Variants in DUOX1 observed in about 807,000 individuals in gnomAD.
DUOX1 encodes the protein dual oxidase 1.
A neutral mutation model predicts 181.8 loss-of-function variants in DUOX1; 134 were observed. That is an observed-to-expected ratio of 0.74 (90% CI 0.64 to 0.85). DUOX1 has a LOEUF of 0.85. Among genes scored for constraint, DUOX1 ranks in the 40% least tolerant of loss-of-function variants. DUOX1 has a pLI of 0.00. For synonymous variants in DUOX1, 798 were observed against 832.5 expected (o/e 0.96, Z 0.71); for missense variants, 1,814 against 2,064.4 (o/e 0.88, Z 2.35).
chr15:45,136,399 C>G lies in DUOX1; in HGVS notation c.914C>G (p.Pro305Arg). ...CCCAGCTTCCTGCAGAAAACACTCC[C>G]GGAGTATACAGGTGAGGGAGCGGGG... ...WLPSFLQKTL[P>R]EYTGYRPFLD... Residue 305 changes from proline to arginine, a missense_variant, in exon 8 of 34, where the codon CCG becomes CGG. Physicochemically the swap from Pro to Arg is moderately radical, Grantham distance 103. Around this residue, in one of 5 missense-constraint regions of DUOX1, gnomAD observed 1,064 missense variants for 1,152.9 expected, o/e 0.92. Transcript: ENST00000389037. The G allele has an allele frequency of 6.2e-7, 1 of 1,614,048 alleles. No individual in the cohort carries two copies. The highest frequency in any genetic ancestry group is 8.5e-7 in the Non-Finnish European group (1 of 1,180,020).
At chr15:45,148,134 T>C in intron 20 of DUOX1, 137 bp downstream of exon 20, 1 of 1,449,222 alleles carries the variant, frequency 6.9e-7, no homozygotes, top group South Asian at 1.2e-5. Context: ...CTGTTCAAAC[T>C]AGCAGGGGGC....
Position 45,150,638 on chromosome 15 carries a change from A to C in DUOX1, c.2825A>C (p.Glu942Ala), listed in dbSNP as rs1392914360. 1.2e-6 allele frequency: 2 copies of C among 1,613,910 alleles called. No individual in the cohort carries two copies. The change falls in exon 22 of 34, where the codon GAG (glutamate) becomes GCG (alanine). Residue 942 changes from glutamate (E) to alanine (A), a missense_variant. By Grantham distance (107) the Glu-to-Ala change is moderately radical. Transcript: ENST00000389037. ...RFTQLCVKGV[E>A]VPEVIKDLCR... ...GCCTGGCTCTGCTTTGCAGGGGTGG[A>C]GGTGCCTGAAGTCATCAAGGACCTC...
chr15:45,136,319 G>C (rs765702071), intron 7 of DUOX1, 31 bp from the exon 8 acceptor site: 1 of 1,612,288 alleles, frequency 6.2e-7, no homozygotes, highest in African/African-American at 1.3e-5. Context: ...CATCCAACTC[G>C]TGCCTCCCCT....
intron 4 of DUOX1, among the ~76,000 whole-genome samples, 167 bp downstream of exon 4, chr15:45,134,476 G>A (rs889181652): frequency 6.6e-6 from 1 of 152,126 alleles, no homozygotes; most frequent in Admixed American, 6.5e-5. Context: ...GGTGGAGAGA[G>A]GATCCATGCT....
intron 12 of DUOX1, 174 bp downstream of exon 12, chr15:45,139,773 C>G (rs972912774): frequency 3.3e-5 from 26 of 778,352 alleles, no homozygotes; most frequent in Non-Finnish European, 4.7e-5. Flanking sequence ...GATTACCAGA[C>G]CAGCAAGATT....
rs748910843 is a variant in DUOX1, at chr15:45,139,188, T to C, written c.1216+20T>C. The C allele has an allele frequency of 2.0e-5, 32 of 1,613,908 alleles. No homozygotes were observed. Among genetic ancestry groups the C allele is most frequent in the South Asian group, 4.4e-5 (4 of 91,054 alleles). ...TGCGGGGTGAGTCTGAGGCTGTCCC[T>C]GCAGGTTGTGAACTCCTGGCCTCTG... On this transcript the variant is annotated intron_variant, in intron 11 of 33. Transcript: ENST00000389037.
At chr15:45,131,143 C>T (rs1052920596) in intron 1 of DUOX1, among the ~76,000 whole-genome samples, 16 of 152,184 alleles carry the variant, frequency 1.1e-4, no homozygotes, top group Non-Finnish European at 2.1e-4. Flanking sequence ...TATCCTAACC[C>T]CAATCTCCAG....
chr15:45,140,024 T>C, intron 12 of DUOX1: 1 of 1,341,708 alleles, frequency 7.5e-7, no homozygotes, highest in Non-Finnish European at 1.0e-6. Context: ...AGGTAGAGCC[T>C]GAGGCGGAGG....
intron 4 of DUOX1, 24 bp downstream of exon 4, chr15:45,134,333 A>G (rs1453801901): frequency 3.8e-6 from 6 of 1,573,154 alleles, no homozygotes; most frequent in Non-Finnish European, 4.3e-6. Context: ...CCTCTGGGGA[A>G]GGAAGCCGGT....
Position 45,161,466 on chromosome 15 carries a change from A to G in DUOX1, c.3857-272A>G, listed in dbSNP as rs117140946. On this transcript the variant is annotated intron_variant, in intron 29 of 33. Transcript: ENST00000389037. ...GGAAGGAGGGAGGGAGGGAGGGAGG[A>G]AGGAAGGAAGGAAAGGAAAGGAGGG... Among the ~76,000 whole-genome samples, 658 of 113,552 alleles carry G rather than the reference A, an allele frequency of 5.8e-3. 4 individuals are homozygous for G. Among genetic ancestry groups the G allele is most frequent in the Non-Finnish European group, 9.5e-3 (455 of 48,054 alleles). The allele number at this position is 113,552 out of a possible 152,430, so 74.5% of individuals were successfully genotyped here.
chr15:45,139,140 G>A lies in DUOX1; in HGVS notation c.1188G>A (p.Glu396=). 6.2e-7 allele frequency: 1 copy of A among 1,614,188 alleles called. No homozygotes were observed. The highest frequency in any genetic ancestry group is 8.5e-7 in the Non-Finnish European group (1 of 1,180,034). The part of the protein sequence containing the change: ...LGMASQIAER[E]DHVLVEDVRD... ...TGGCCTCCCAGATCGCAGAGCGAGA[G>A]GACCATGTGTTGGTTGAAGATGTGC... Residue 396 remains glutamate (E), a synonymous_variant, in exon 11 of 34, where the codon GAG becomes GAA. Transcript: ENST00000389037.
intron 26 of DUOX1, 65 bp from the exon 27 acceptor site, chr15:45,153,886 C>CA (rs11306605): frequency 6.8e-3 from 7,801 of 1,145,134 alleles, no homozygotes; most frequent in East Asian, 0.046. Context: ...GACTCTGCCT[C>CA]AAAAAAAAAA....
intron 21 of DUOX1, among the ~76,000 whole-genome samples, chr15:45,148,955 G>A (rs1231306569): frequency 1.3e-5 from 2 of 152,078 alleles, no homozygotes; most frequent in Non-Finnish European, 2.9e-5. Context: ...TCCTGGCTGA[G>A]TGCTCAGTAA....
At chr15:45,161,652 G>A in intron 29 of DUOX1, 86 bp from the exon 30 acceptor site, 1 of 1,208,910 alleles carries the variant, frequency 8.3e-7, no homozygotes. Flanking sequence ...CAGAAGCAGA[G>A]CTGAGGCTGT....
At chr15:45,159,140 CTGGCTGCAGA>C (rs1019971522) in intron 28 of DUOX1, among the ~76,000 whole-genome samples, 1 of 152,202 alleles carries the variant, frequency 6.6e-6, no homozygotes, top group Non-Finnish European at 1.5e-5. Flanking sequence ...GGGGACAGGG[CTGGCTGCAGA>C]TGGCCATAGG....
chr15:45,154,806 T>G (rs969001655), intron 27 of DUOX1, among the ~76,000 whole-genome samples: 30 of 152,178 alleles, frequency 2.0e-4, no homozygotes, highest in Non-Finnish European at 4.0e-4. Flanking sequence ...TCTTCCTTGA[T>G]CACTTGAGGG....
At chr15:45,133,984 CA>C (rs764547205) in intron 3 of DUOX1, 37 bp downstream of exon 3, 41 of 1,607,498 alleles carry the variant, frequency 2.6e-5, no homozygotes, top group Admixed American at 1.2e-4. Flanking sequence ...ACCCCAGGGC[CA>C]GGGGGGTACT....
intron 10 of DUOX1, among the ~76,000 whole-genome samples, chr15:45,138,486 G>T (rs1230984106): frequency 6.6e-6 from 1 of 152,188 alleles, no homozygotes; most frequent in African/African-American, 2.4e-5. Context: ...GGTTCCTAGA[G>T]ATTATTGGGG....
At position 45,144,418 on chromosome 15, in the gene DUOX1, G is replaced by A. The variant is rs138228554; in HGVS notation, c.2136+183G>A. ...AACTTGGACACGTTTATCCTGCTCC[G>A]GGTCTGCTGGATGACATAATCTCCA... is the stretch of plus-strand genomic sequence containing the variant. On this transcript the variant is annotated intron_variant, in intron 17 of 33. Coordinates refer to ENST00000389037, the MANE Select transcript of DUOX1 (RefSeq NM_175940.3). Among the ~76,000 whole-genome samples the A allele has an allele frequency of 4.6e-3, 704 of 152,318 alleles. 5 individuals are homozygous for A. The highest frequency in any genetic ancestry group is 0.016 in the African/African-American group (683 of 41,562).
Sources: allele counts gnomAD v4.1 joint callset (sites outside exome capture counted in the v4.1 genomes callset), GRCh38; gene constraint gnomAD v4.1.1; regional missense constraint gnomAD v4.1.1; transcripts MANE v1.5; gene names NCBI Gene and HGNC (gene_info 2026-07-23, HGNC 2026-07-21).